The following ZMYM4 variants were observed in gnomAD, a reference collection of about 807,000 sequenced individuals.
ZMYM4 encodes the protein zinc finger MYM-type containing 4, also known as zinc finger MYM-type protein 4.
In ZMYM4, 31 loss-of-function variants were observed where a neutral mutation model predicts 183.2. The ratio of observed to expected loss-of-function variants is 0.17; its 90% CI spans 0.13 to 0.23. ZMYM4 has a LOEUF of 0.23. Ranked by LOEUF, ZMYM4 falls within the 10% of genes least tolerant of loss-of-function variation. The pLI is 1.00. For synonymous variants in ZMYM4, 592 were observed against 631.2 expected, an observed-to-expected ratio of 0.94 and a Z score of 0.93; for missense variants, 1,273 against 1,840.3, an observed-to-expected ratio of 0.69 and a Z score of 5.64.
At chr1:35,378,364 C>T (rs1007692579) in intron 7 of ZMYM4, among the ~76,000 whole-genome samples, 7 of 152,122 alleles carry the variant, frequency 4.6e-5, no homozygotes, top group African/African-American at 7.2e-5. Flanking sequence ...TTCCTTTGGC[C>T]GGATCCGTTA....
intron 9 of ZMYM4, among the ~76,000 whole-genome samples, chr1:35,385,232 T>C (rs747038533): frequency 2.6e-5 from 4 of 152,354 alleles, no homozygotes; most frequent in African/African-American, 9.6e-5. Flanking sequence ...TATAAAACTT[T>C]TTAGTTTTAT....
chr1:35,289,391 G>A (rs1640652287), intron 1 of ZMYM4, among the ~76,000 whole-genome samples: 1 of 152,164 alleles, frequency 6.6e-6, no homozygotes, highest in Non-Finnish European at 1.5e-5. Flanking sequence ...AGGACTTGTT[G>A]ATAAATGTAG....
In ZMYM4 at chr1:35,421,896, G is replaced by A. The variant is rs1305060525; in HGVS notation, c.*2219G>A. On this transcript the variant is annotated 3_prime_UTR_variant, in exon 30 of 30. Coordinates refer to ENST00000314607, the MANE Select transcript of ZMYM4 (RefSeq NM_005095.3). ...ACCACTTTTAGGTTTTCCCCTTACAGAAACCACAGAAATATTCCCTTAGAA... is the reference window on the plus strand; with the variant it reads ...ACCACTTTTAGGTTTTCCCCTTACAAAAACCACAGAAATATTCCCTTAGAA... 1 of 151,986 alleles carries A rather than the reference G, an allele frequency of 6.6e-6. No homozygotes were observed. The highest frequency in any genetic ancestry group is 1.9e-4 in the East Asian group (1 of 5,198). The allele number at this position is 151,986 out of a possible 1,614,324, so 9.4% of individuals were successfully genotyped here. A position where few individuals can be genotyped will look rare whatever the true frequency, so the allele number is the denominator to read the frequency against.
chr1:35,291,634 C>CTTTTTTT (rs1296107892), intron 1 of ZMYM4, among the ~76,000 whole-genome samples: 2 of 129,338 alleles, frequency 1.5e-5, no homozygotes, highest in African/African-American at 2.8e-5. Context: ...GTGATTGTTA[C>CTTTTTTT]TTTTTTTTTT....
intron 26 of ZMYM4, among the ~76,000 whole-genome samples, chr1:35,409,669 C>T (rs1239429819): frequency 6.6e-6 from 1 of 151,882 alleles, no homozygotes; most frequent in Admixed American, 6.6e-5. Context: ...TGGCTGGGTG[C>T]GGTGGCTCAC....
At position 35,268,954 on chromosome 1, in the gene ZMYM4, C is replaced by T. The variant is rs1390254127; in HGVS notation, c.-93C>T. On this transcript the variant is annotated 5_prime_UTR_variant, in exon 1 of 30. Transcript: ENST00000314607. Reference sequence around the variant, plus strand: ...CGGGTCCGGGGAAGCTGCCGCGAGGCGGCCGTGCCTGCAGTGTGGGCGGGG... The same window carrying T: ...CGGGTCCGGGGAAGCTGCCGCGAGGTGGCCGTGCCTGCAGTGTGGGCGGGG... 4 of 1,311,686 alleles carry T rather than the reference C, an allele frequency of 3.0e-6. No individual in the cohort carries two copies. The highest frequency in any genetic ancestry group is 6.3e-5 in the East Asian group (2 of 31,808). The allele number at this position is 1,311,686 out of a possible 1,614,324, so 81.3% of individuals were successfully genotyped here.
chr1:35,404,897 A>G, intron 23 of ZMYM4, 126 bp from the exon 24 acceptor site: 1 of 914,770 alleles, frequency 1.1e-6, no homozygotes, highest in Non-Finnish European at 1.6e-6. Flanking sequence ...AAGAACTCTG[A>G]ATCTTTAGGA....
chr1:35,292,749 C>T (rs995339636), intron 1 of ZMYM4, among the ~76,000 whole-genome samples: 7 of 152,166 alleles, frequency 4.6e-5, no homozygotes, highest in African/African-American at 1.7e-4. Flanking sequence ...ATCCACTCGC[C>T]TCGGCCTCCC....
chr1:35,372,841 G>A (rs1291259276), intron 7 of ZMYM4, among the ~76,000 whole-genome samples: 2 of 152,158 alleles, frequency 1.3e-5, no homozygotes, highest in African/African-American at 2.4e-5. Flanking sequence ...TCTGGATTAG[G>A]GATACTCAGC....
chr1:35,388,336 C>CT (rs1644626105), intron 13 of ZMYM4, among the ~76,000 whole-genome samples: 1 of 152,164 alleles, frequency 6.6e-6, no homozygotes, highest in African/African-American at 2.4e-5. Context: ...TCCCGAGTAG[C>CT]TGGGACTACA....
intron 1 of ZMYM4, among the ~76,000 whole-genome samples, chr1:35,285,756 G>A (rs971641776): frequency 6.6e-6 from 1 of 152,082 alleles, no homozygotes; most frequent in Non-Finnish European, 1.5e-5. Context: ...ATCTTTGGGG[G>A]GTCCAGGGTC....
rs757600874 is a variant in ZMYM4, at chr1:35,389,920, T to C, written c.2437-28T>C. 8 of 1,589,508 alleles carry C rather than the reference T, an allele frequency of 5.0e-6. No homozygotes were observed. Among genetic ancestry groups the C allele is most frequent in the Middle Eastern group, 1.7e-4 (1 of 5,988 alleles). On this transcript the variant is annotated intron_variant, in intron 14 of 29. Coordinates refer to ENST00000314607, the MANE Select transcript of ZMYM4 (RefSeq NM_005095.3). This position sits in a 1 kb window ranked among gnomAD's most constrained non-coding sequence, Gnocchi z 4.0. The stretch of plus-strand genomic sequence containing the variant: ...GTCAGACCACAGATAATTTGTTTCT[T>C]ACTCCTTGACTACCTTCTTCTTTTT...
chr1:35,269,423 G>A (rs1639484759), intron 1 of ZMYM4, among the ~76,000 whole-genome samples: 1 of 151,986 alleles, frequency 6.6e-6, no homozygotes, highest in African/African-American at 2.4e-5. Context: ...ATCAGAGTCT[G>A]GAAGTTAACT....
At chr1:35,337,196 T>TAA (rs543218432) in intron 2 of ZMYM4, among the ~76,000 whole-genome samples, 1 of 150,244 alleles carries the variant, frequency 6.7e-6, no homozygotes, top group Non-Finnish European at 1.5e-5. Flanking sequence ...CCATCTCCGC[T>TAA]AAAAAAAAAT....
chr1:35,362,910 G>A (rs1445528221), intron 5 of ZMYM4, among the ~76,000 whole-genome samples: 1 of 152,130 alleles, frequency 6.6e-6, no homozygotes, highest in Non-Finnish European at 1.5e-5. Flanking sequence ...GATGGCTCAC[G>A]CCTGTCATCC....
At chr1:35,334,756 A>G (rs1642902172) in intron 2 of ZMYM4, among the ~76,000 whole-genome samples, 1 of 152,170 alleles carries the variant, frequency 6.6e-6, no homozygotes, top group Admixed American at 6.5e-5. Context: ...GAGAATGCAT[A>G]ATGTAAAGTT....
chr1:35,299,311 A>G (rs1242021300), intron 1 of ZMYM4, among the ~76,000 whole-genome samples: 1 of 151,806 alleles, frequency 6.6e-6, no homozygotes, highest in Non-Finnish European at 1.5e-5. Flanking sequence ...CGTCTTGAAC[A>G]AAGAATTGGA....
In ZMYM4 at chr1:35,393,580, T is replaced by C; in HGVS notation, c.2767-15T>C. The stretch of plus-strand genomic sequence containing the variant: ...TTTAAAAATGTTTTTGGTTTCTAAT[T>C]TGTTTTTTTACTAGGCAAGTACTCA... On this transcript the variant is annotated splice_polypyrimidine_tract_variant and intron_variant, in intron 17 of 29. Coordinates refer to ENST00000314607, the MANE Select transcript of ZMYM4 (RefSeq NM_005095.3). 3.2e-6 allele frequency: 5 copies of C among 1,561,488 alleles called. No homozygotes were observed. The highest frequency in any genetic ancestry group is 4.3e-6 in the Non-Finnish European group (5 of 1,160,024).
intron 16 of ZMYM4, 81 bp downstream of exon 16, chr1:35,392,433 A>G: frequency 6.6e-7 from 1 of 1,504,608 alleles, no homozygotes; most frequent in Non-Finnish European, 9.0e-7. Context: ...ATCAGGGATT[A>G]TTTTCATACA....
Sources: allele counts gnomAD v4.1 joint callset (sites outside exome capture counted in the v4.1 genomes callset), GRCh38; gene constraint gnomAD v4.1.1; non-coding constraint Gnocchi (gnomAD v3.1); transcripts MANE v1.5; gene names NCBI Gene and HGNC (gene_info 2026-07-23, HGNC 2026-07-21).